FREM3: variants seen among roughly 807,000 people sequenced by gnomAD.
FREM3 encodes the protein FRAS1-related extracellular matrix protein 3.
FREM3 carries 105 observed loss-of-function variants against 129.1 expected under a neutral mutation model. The observed-to-expected ratio is 0.81, with a 90% CI of 0.69 to 0.96. The LOEUF is 0.96. Ranked by LOEUF, FREM3 falls within the 40% of genes least tolerant of loss-of-function variation. The pLI is 0.00. For synonymous variants in FREM3, 1,014 were observed against 1,044.9 expected (o/e 0.97, Z 0.57); for missense variants, 2,593 against 2,666.3 (o/e 0.97, Z 0.61).
At chr4:143,670,802 A>C (rs774094971) in intron 2 of FREM3, among the ~76,000 whole-genome samples, 1 of 152,106 alleles carries the variant, frequency 6.6e-6, no homozygotes, top group Non-Finnish European at 1.5e-5. Context: ...TTATTTTCTT[A>C]TATCAGAGCT....
At chr4:143,653,726 A>C (rs1739550437) in intron 2 of FREM3, among the ~76,000 whole-genome samples, 1 of 152,180 alleles carries the variant, frequency 6.6e-6, no homozygotes, top group Non-Finnish European at 1.5e-5. Flanking sequence ...GCACATTAGA[A>C]TTGCTGGGGA....
chr4:143,665,169 C>T (rs539539378), intron 2 of FREM3, among the ~76,000 whole-genome samples: 3 of 152,198 alleles, frequency 2.0e-5, no homozygotes, highest in East Asian at 1.9e-4. Flanking sequence ...AGAAATCACC[C>T]GTCTTCTGCG....
chr4:143,635,947 C>T (rs1284332120), intron 2 of FREM3, among the ~76,000 whole-genome samples: 2 of 152,050 alleles, frequency 1.3e-5, no homozygotes, highest in Non-Finnish European at 2.9e-5. Flanking sequence ...GTTGGCAAGA[C>T]CTGACACTGT....
rs1008617796 is a variant in FREM3, at chr4:143,621,172, A to G, written c.5654-10T>C. The G allele has an allele frequency of 4.8e-5, 73 of 1,536,720 alleles. No individual in the cohort carries two copies. Among genetic ancestry groups the G allele is most frequent in the Non-Finnish European group, 6.4e-5 (73 of 1,146,626 alleles). The stretch of plus-strand genomic sequence containing the variant: ...ATATAAACTGTTGATTCTAGAAAAG[A>G]TGGCAGAAGACTTTTCACCAAGATT... On this transcript the variant is annotated splice_polypyrimidine_tract_variant and intron_variant, in intron 4 of 7. Coordinates refer to ENST00000329798, the MANE Select transcript of FREM3 (RefSeq NM_001168235.2).
chr4:143,611,032 C>T (rs1044294931), intron 6 of FREM3, among the ~76,000 whole-genome samples: 1 of 149,444 alleles, frequency 6.7e-6, no homozygotes, highest in Non-Finnish European at 1.5e-5. Context: ...AAGTCACCTC[C>T]TTGGGCTGTG....
At chr4:143,582,915 T>C (rs6838374) in intron 7 of FREM3, among the ~76,000 whole-genome samples, 148,356 of 150,992 alleles carry the variant, frequency 0.98, 72,936 homozygotes, top group Middle Eastern at 1. Flanking sequence ...TTTTTTGAGA[T>C]GGGTTTGAAC....
At chr4:143,651,410 C>A (rs1196710189) in intron 2 of FREM3, among the ~76,000 whole-genome samples, 1 of 152,092 alleles carries the variant, frequency 6.6e-6, no homozygotes, top group East Asian at 1.9e-4. Flanking sequence ...GACCGAAATC[C>A]CAATTCTTAA....
intron 1 of FREM3, among the ~76,000 whole-genome samples, chr4:143,693,879 C>G (rs1578873208): frequency 1.3e-5 from 2 of 151,986 alleles, no homozygotes; most frequent in East Asian, 3.9e-4. Flanking sequence ...GAACAGGAAA[C>G]CAAATACTGC....
chr4:143,646,505 G>T (rs1322992900), intron 2 of FREM3, among the ~76,000 whole-genome samples: 1 of 152,148 alleles, frequency 6.6e-6, no homozygotes, highest in Non-Finnish European at 1.5e-5. Context: ...GGCAGTTTCA[G>T]CCATGCTGGT....
chr4:143,638,006 A>G (rs1035992764), intron 2 of FREM3, among the ~76,000 whole-genome samples: 2 of 152,102 alleles, frequency 1.3e-5, no homozygotes, highest in South Asian at 2.1e-4. Context: ...GATGTACCCA[A>G]ACTGTCTTGA....
chr4:143,637,759 G>T (rs1338084037), intron 2 of FREM3, among the ~76,000 whole-genome samples: 1 of 152,146 alleles, frequency 6.6e-6, no homozygotes, highest in Non-Finnish European at 1.5e-5. Flanking sequence ...GAACAACAAA[G>T]ATATGAGATT....
At chr4:143,595,070 G>T (rs1738442353) in intron 6 of FREM3, among the ~76,000 whole-genome samples, 1 of 152,188 alleles carries the variant, frequency 6.6e-6, no homozygotes, top group African/African-American at 2.4e-5. Context: ...CTCTCAAAGA[G>T]ATAAAATTAT....
intron 2 of FREM3, among the ~76,000 whole-genome samples, chr4:143,678,514 C>T (rs1740190214): frequency 1.3e-5 from 2 of 151,870 alleles, no homozygotes; most frequent in South Asian, 4.2e-4. Context: ...ACATTGTGCA[C>T]ATGTACCCTA....
chr4:143,594,687 CAG>C (rs1190880387), intron 6 of FREM3, among the ~76,000 whole-genome samples: 12 of 152,250 alleles, frequency 7.9e-5, no homozygotes, highest in Admixed American at 5.2e-4. Flanking sequence ...AAAAAAATGT[CAG>C]AACTCAAGCC....
At chr4:143,643,258 A>T (rs1739353742) in intron 2 of FREM3, among the ~76,000 whole-genome samples, 1 of 152,166 alleles carries the variant, frequency 6.6e-6, no homozygotes, top group African/African-American at 2.4e-5. Flanking sequence ...CAGTAATCCC[A>T]CTGCTGGGTA....
intron 7 of FREM3, among the ~76,000 whole-genome samples, chr4:143,584,075 G>A (rs1217622764): frequency 1.3e-5 from 2 of 152,204 alleles, no homozygotes; most frequent in Admixed American, 1.3e-4. Flanking sequence ...CATCTCACAT[G>A]CAATGACAGT....
At chr4:143,595,841 T>C (rs1738469327) in intron 6 of FREM3, among the ~76,000 whole-genome samples, 1 of 135,248 alleles carries the variant, frequency 7.4e-6, no homozygotes, top group African/African-American at 2.8e-5. Context: ...TGAGCTGAGA[T>C]CACGCCACTG....
intron 2 of FREM3, among the ~76,000 whole-genome samples, chr4:143,636,756 A>T (rs1282881034): frequency 6.6e-6 from 1 of 152,116 alleles, no homozygotes; most frequent in Non-Finnish European, 1.5e-5. Context: ...ACAAAAATAA[A>T]AACAAAATAA....
chr4:143,698,213 G>C lies in FREM3; in HGVS notation c.2463C>G (p.Phe821Leu). The C allele has an allele frequency of 6.5e-7, 1 of 1,537,396 alleles. No homozygotes were observed. The highest frequency in any genetic ancestry group is 8.7e-7 in the Non-Finnish European group (1 of 1,146,932). Residue 821 changes from phenylalanine to leucine, a missense_variant, in exon 1 of 8, where the codon TTC becomes TTG. This residue lies in a region of FREM3 where 2,276 missense variants were observed against 2,267.2 expected (regional missense o/e 1.00). Transcript: ENST00000329798. ...GNSVPGTFTL[F>L]LQPVDNQPPE... is the part of the protein sequence containing the mutation. The stretch of plus-strand genomic sequence containing the variant: ...GGGGCTGGTTGTCCACAGGTTGCAG[G>C]AATAATGTGAATGTGCCTGGCACGC...
Sources: allele counts gnomAD v4.1 joint callset (sites outside exome capture counted in the v4.1 genomes callset), GRCh38; gene constraint gnomAD v4.1.1; regional missense constraint gnomAD v4.1.1; transcripts MANE v1.5; gene names NCBI Gene and HGNC (gene_info 2026-07-23, HGNC 2026-07-21).